Variants in KCTD6 observed in about 807,000 individuals in gnomAD.
KCTD6 encodes BTB/POZ domain-containing protein KCTD6.
Under a neutral mutation model 18.7 loss-of-function variants are expected in KCTD6, and 6 were observed. That is an observed-to-expected ratio of 0.32 (90% CI 0.18 to 0.63). The LOEUF (loss-of-function observed/expected upper bound fraction) is 0.63. KCTD6 is among the 30% of genes least tolerant of loss of function. The pLI, the probability that KCTD6 is intolerant of heterozygous loss-of-function variation, is 0.79. For missense variants in KCTD6, 165 were observed against 300.2 expected, an observed-to-expected ratio of 0.55 and a Z score of 3.33; for synonymous variants, 86 against 108.5, an observed-to-expected ratio of 0.79 and a Z score of 1.29.
Position 58,498,506 on chromosome 3 carries a change from GGGT to G in KCTD6, c.-43-206_-43-204del. ...AATCTTCAGTCTCTTAGTTCCAGATGGGTTCTCTATGGTAAGAATACAGGACAT... is the reference window on the plus strand; with the variant it reads ...AATCTTCAGTCTCTTAGTTCCAGATGTCTCTATGGTAAGAATACAGGACAT... On this transcript the variant is annotated intron_variant, in intron 1 of 2. Coordinates refer to ENST00000404589, the MANE Select transcript of KCTD6 (RefSeq NM_001128214.2). This position sits in a 1 kb window ranked among gnomAD's most constrained non-coding sequence, Gnocchi z 4.6. 1 of 480,890 alleles carries G rather than the reference GGGT, an allele frequency of 2.1e-6. No homozygotes were observed. Among genetic ancestry groups the G allele is most frequent in the South Asian group, 3.3e-5 (1 of 30,694 alleles). The allele number at this position is 480,890 out of a possible 1,614,324, so 29.8% of individuals were successfully genotyped here. A position where few individuals can be genotyped will look rare whatever the true frequency, so the allele number is the denominator to read the frequency against.
chr3:58,498,582 A>C lies in KCTD6; in HGVS notation c.-43-131A>C. 1 of 643,096 alleles carries C rather than the reference A, an allele frequency of 1.6e-6. No homozygotes were observed. The highest frequency in any genetic ancestry group is 2.8e-6 in the Non-Finnish European group (1 of 361,732). 39.8% of individuals were successfully genotyped at this position (643,096 alleles called of 1,614,324 possible). On this transcript the variant is annotated intron_variant, in intron 1 of 2. Coordinates refer to ENST00000404589, the MANE Select transcript of KCTD6 (RefSeq NM_001128214.2). This position sits in a 1 kb window ranked among gnomAD's most constrained non-coding sequence, Gnocchi z 4.6. ...TTTCTTCCCCAGATCTTTGCCCTGT[A>C]GTAGGTTTCAGCTGAGCAAGGACGA...
In KCTD6 at chr3:58,493,159, A is replaced by C. The variant is rs181148630; in HGVS notation, c.-44+990A>C. Among the ~76,000 whole-genome samples the C allele has an allele frequency of 6.6e-6, 1 of 152,316 alleles. No individual in the cohort carries two copies. The highest frequency in any genetic ancestry group is 1.9e-4 in the East Asian group (1 of 5,180). On this transcript the variant is annotated intron_variant, in intron 1 of 2. Coordinates refer to ENST00000404589, the MANE Select transcript of KCTD6 (RefSeq NM_001128214.2). The surrounding 1 kb of genome is among the most constrained non-coding windows in gnomAD (Gnocchi z 4.5). ...TGAGCCCAAGATTGAGATGTTTTCAAATGAACGAATATGTAGCTAGGAAAA... is the reference window on the plus strand; with the variant it reads ...TGAGCCCAAGATTGAGATGTTTTCACATGAACGAATATGTAGCTAGGAAAA...
Position 58,498,545 on chromosome 3 carries a change from C to A in KCTD6, c.-43-168C>A. 1.7e-6 allele frequency: 1 copy of A among 584,338 alleles called. No homozygotes were observed. Among genetic ancestry groups the A allele is most frequent in the Non-Finnish European group, 3.0e-6 (1 of 334,822 alleles). 36.2% of individuals were successfully genotyped at this position (584,338 alleles called of 1,614,324 possible). ...AAGAATACAGGACATGTAGAAGGCC[C>A]TAGGGGAATGCTTTCTTCCCCAGAT... On this transcript the variant is annotated intron_variant, in intron 1 of 2. Coordinates refer to ENST00000404589, the MANE Select transcript of KCTD6 (RefSeq NM_001128214.2). The surrounding 1 kb of genome is among the most constrained non-coding windows in gnomAD (Gnocchi z 4.6).
At position 58,492,249 on chromosome 3, in the gene KCTD6, A is replaced by G. The variant is rs1576976951; in HGVS notation, c.-44+80A>G. 1.3e-5 allele frequency: 2 copies of G among 148,980 alleles called. No homozygotes were observed. Among genetic ancestry groups the G allele is most frequent in the Admixed American group, 1.3e-4 (2 of 15,012 alleles). 9.2% of individuals were successfully genotyped at this position (148,980 alleles called of 1,614,324 possible). A position where few individuals can be genotyped will look rare whatever the true frequency, so the allele number is the denominator to read the frequency against. On this transcript the variant is annotated intron_variant, in intron 1 of 2. Coordinates refer to ENST00000404589, the MANE Select transcript of KCTD6 (RefSeq NM_001128214.2). This position sits in a 1 kb window ranked among gnomAD's most constrained non-coding sequence, Gnocchi z 6.1. ...CAGGAGACGTCTGCGCCGAGCGGCCAGGGGAGCGGGGCTGAGGAGGATCTG... is the reference window on the plus strand; with the variant it reads ...CAGGAGACGTCTGCGCCGAGCGGCCGGGGGAGCGGGGCTGAGGAGGATCTG...
intron 2 of KCTD6, among the ~76,000 whole-genome samples, chr3:58,499,953 A>G (rs1383755233): frequency 6.6e-6 from 1 of 152,218 alleles, no homozygotes; most frequent in Admixed American, 6.5e-5. Context: ...TGAATACACT[A>G]TCAGATTATG....
chr3:58,493,399 T>G lies in KCTD6; in HGVS notation c.-44+1230T>G, dbSNP rs1288908222. ...ATTACTACTTAAAGGAATCTTAGGG[T>G]GAACCCTATGAATCCTTCAGTGCGC... On this transcript the variant is annotated intron_variant, in intron 1 of 2. Transcript: ENST00000404589. The surrounding 1 kb of genome is among the most constrained non-coding windows in gnomAD (Gnocchi z 4.5). Among the ~76,000 whole-genome samples, 3 of 152,244 alleles carry G rather than the reference T, an allele frequency of 2.0e-5. No homozygotes were observed. Among genetic ancestry groups the G allele is most frequent in the Non-Finnish European group, 4.4e-5 (3 of 68,050 alleles).
chr3:58,500,314 T>TG (rs2063199435), intron 2 of KCTD6: 1 of 146,342 alleles, frequency 6.8e-6, no homozygotes, highest in Admixed American at 7.0e-5. Flanking sequence ...TTAATAGAGA[T>TG]GGGGTCTTGC....
Position 58,498,621 on chromosome 3 carries a change from T to C in KCTD6, c.-43-92T>C. Reference sequence around the variant, plus strand: ...GAGCAAGGACGAGTAGTTTTTCTGGTGTTTGGCCTCCTCTGTTGGGTGGAA... The same window carrying C: ...GAGCAAGGACGAGTAGTTTTTCTGGCGTTTGGCCTCCTCTGTTGGGTGGAA... On this transcript the variant is annotated intron_variant, in intron 1 of 2. Transcript: ENST00000404589. The surrounding 1 kb of genome is among the most constrained non-coding windows in gnomAD (Gnocchi z 4.6). 3 of 736,338 alleles carry C rather than the reference T, an allele frequency of 4.1e-6. No homozygotes were observed. Among genetic ancestry groups the C allele is most frequent in the Non-Finnish European group, 7.2e-6 (3 of 417,180 alleles). 45.6% of individuals were successfully genotyped at this position (736,338 alleles called of 1,614,324 possible).
intron 2 of KCTD6, among the ~76,000 whole-genome samples, chr3:58,499,189 C>T (rs759712866): frequency 2.0e-5 from 3 of 152,124 alleles, no homozygotes; most frequent in Admixed American, 6.5e-5. Flanking sequence ...AGGCTGATCT[C>T]GAACTCCTGA....
Position 58,501,651 on chromosome 3 carries a change from G to C in KCTD6, c.*19G>C. 1.5e-6 allele frequency: 2 copies of C among 1,309,596 alleles called. No homozygotes were observed. The highest frequency in any genetic ancestry group is 2.0e-6 in the Non-Finnish European group (2 of 1,019,128). 81.1% of individuals were successfully genotyped at this position (1,309,596 alleles called of 1,614,324 possible). On this transcript the variant is annotated 3_prime_UTR_variant, in exon 3 of 3. Transcript: ENST00000404589. The surrounding 1 kb of genome is among the most constrained non-coding windows in gnomAD (Gnocchi z 9.7). Reference sequence around the variant, plus strand: ...CGACTGATCTCCGACCCTGCCACAGGTTCCTGGAAAGACTCTCCAGGAAAT... The same window carrying C: ...CGACTGATCTCCGACCCTGCCACAGCTTCCTGGAAAGACTCTCCAGGAAAT...
Position 58,501,602 on chromosome 3 carries a change from C to G in KCTD6, c.684C>G (p.Phe228Leu), listed in dbSNP as rs1232485608. The G allele has an allele frequency of 1.5e-6, 2 of 1,360,432 alleles. No individual in the cohort carries two copies. The highest frequency in any genetic ancestry group is 9.5e-7 in the Non-Finnish European group (1 of 1,050,250). 84.3% of individuals were successfully genotyped at this position (1,360,432 alleles called of 1,614,324 possible). A position where few individuals can be genotyped will look rare whatever the true frequency, so the allele number is the denominator to read the frequency against. Residue 228 changes from phenylalanine (F) to leucine (L), a missense_variant, in exon 3 of 3, where the codon TTC (phenylalanine) becomes TTG (leucine). Physicochemically the swap from Phe to Leu is conservative, Grantham distance 22. This residue lies in a region of KCTD6 where 106 missense variants were observed against 230.4 expected (regional missense o/e 0.46). Coordinates refer to ENST00000404589, the MANE Select transcript of KCTD6 (RefSeq NM_001128214.2). This position sits in a 1 kb window ranked among gnomAD's most constrained non-coding sequence, Gnocchi z 9.7. ...NENTVEHNWT[F>L]CRLARKTDD Reference sequence around the variant, plus strand: ...ACACAGTGGAGCACAACTGGACTTTCTGTAGGCTAGCCCGGAAGACAGACG... The same window carrying G: ...ACACAGTGGAGCACAACTGGACTTTGTGTAGGCTAGCCCGGAAGACAGACG...
At position 58,497,085 on chromosome 3, in the gene KCTD6, T is replaced by G. The variant is rs946730397; in HGVS notation, c.-43-1628T>G. Among the ~76,000 whole-genome samples the G allele has an allele frequency of 1.3e-5, 2 of 152,250 alleles. No homozygotes were observed. The highest frequency in any genetic ancestry group is 6.5e-5 in the Admixed American group (1 of 15,288). On this transcript the variant is annotated intron_variant, in intron 1 of 2. Coordinates refer to ENST00000404589, the MANE Select transcript of KCTD6 (RefSeq NM_001128214.2). The surrounding 1 kb of genome is among the most constrained non-coding windows in gnomAD (Gnocchi z 4.2). ...GAATGAAAGACTGTCATAACAGTCT[T>G]GAATTTGACATTTGTTCCATTTCTC...
In KCTD6 at chr3:58,499,875, G is replaced by A. The variant is rs372023544; in HGVS notation, c.28-1071G>A. Among the ~76,000 whole-genome samples the A allele has an allele frequency of 3.3e-5, 5 of 152,010 alleles. No individual in the cohort carries two copies. The South Asian group carries it at 1.0e-3, about 32-fold the overall frequency. ...GTAAATAGTATTTCTAAAACTGAAG[G>A]TATGTTTTTTAAGAGAAGCTTGCTT... On this transcript the variant is annotated intron_variant, in intron 2 of 2. Transcript: ENST00000404589.
At chr3:58,495,777 A>T (rs994607514) in intron 1 of KCTD6, among the ~76,000 whole-genome samples, 1 of 152,064 alleles carries the variant, frequency 6.6e-6, no homozygotes, top group Non-Finnish European at 1.5e-5. Context: ...AGATTCCCAT[A>T]ATTGCTTTCC....
intron 2 of KCTD6, among the ~76,000 whole-genome samples, chr3:58,499,571 A>T (rs1211777606): frequency 8.2e-4 from 106 of 128,634 alleles, no homozygotes; most frequent in African/African-American, 3.1e-3. Context: ...TTTTCGAGAC[A>T]GGGTCTTGCT....
chr3:58,498,804 AT>A lies in KCTD6; in HGVS notation c.27+26del. On this transcript the variant is annotated intron_variant, in intron 2 of 2. Coordinates refer to ENST00000404589, the MANE Select transcript of KCTD6 (RefSeq NM_001128214.2). This position sits in a 1 kb window ranked among gnomAD's most constrained non-coding sequence, Gnocchi z 4.6. ...TATGGTGAGTGCTTCTTGGAGATGC[AT>A]TTTGAAGGCTGGGGAATTATTTTTG... The A allele has an allele frequency of 6.2e-7, 1 of 1,600,158 alleles. No individual in the cohort carries two copies. Among genetic ancestry groups the A allele is most frequent in the Non-Finnish European group, 8.5e-7 (1 of 1,170,576 alleles).
At chr3:58,494,377 A>G (rs1312561096) in intron 1 of KCTD6, 1 of 152,246 alleles carries the variant, frequency 6.6e-6, no homozygotes, top group Non-Finnish European at 1.5e-5. Context: ...CATTTCAAGA[A>G]GAGCAAAACT....
At position 58,496,991 on chromosome 3, in the gene KCTD6, A is replaced by G. The variant is rs975922072; in HGVS notation, c.-43-1722A>G. On this transcript the variant is annotated intron_variant, in intron 1 of 2. Coordinates refer to ENST00000404589, the MANE Select transcript of KCTD6 (RefSeq NM_001128214.2). This position sits in a 1 kb window ranked among gnomAD's most constrained non-coding sequence, Gnocchi z 5.1. ...ATCAGTAACTGAATCAGATCCTGGC[A>G]AGACAAATTGGCAAAGCCCATTTCT... is the stretch of plus-strand genomic sequence containing the variant. Among the ~76,000 whole-genome samples, 1 of 152,224 alleles carries G rather than the reference A, an allele frequency of 6.6e-6. No individual in the cohort carries two copies. The highest frequency in any genetic ancestry group is 3.2e-3 in the Middle Eastern group (1 of 316).
chr3:58,501,285 C>G lies in KCTD6; in HGVS notation c.367C>G (p.Leu123Val). 2 of 1,613,862 alleles carry G rather than the reference C, an allele frequency of 1.2e-6. No individual in the cohort carries two copies. Among genetic ancestry groups the G allele is most frequent in the Non-Finnish European group, 1.7e-6 (2 of 1,179,918 alleles). Residue 123 changes from leucine to valine, a missense_variant, in exon 3 of 3, where the codon CTG becomes GTG. This residue lies in a region of KCTD6 where 106 missense variants were observed against 230.4 expected (regional missense o/e 0.46). Transcript: ENST00000404589. This position sits in a 1 kb window ranked among gnomAD's most constrained non-coding sequence, Gnocchi z 9.7. ...GGATACTTTTGAAGAAGTTGTGGAGCTGTCTAGTACTCGGAAGCTTTCTAA... is the reference window on the plus strand; with the variant it reads ...GGATACTTTTGAAGAAGTTGTGGAGGTGTCTAGTACTCGGAAGCTTTCTAA... ...PMDTFEEVVE[L>V]SSTRKLSKYS...
Sources: gnomAD v4.1 joint callset for allele counts (sites outside exome capture counted in the v4.1 genomes callset) on GRCh38, gnomAD v4.1.1 for gene constraint, gnomAD v4.1.1 regional missense constraint, Gnocchi (gnomAD v3.1) non-coding constraint, MANE v1.5 for transcripts, NCBI Gene and HGNC (gene_info 2026-07-23, HGNC 2026-07-21) for gene names.